Variants in TPH2 observed in about 807,000 individuals in gnomAD.
TPH2 encodes tryptophan 5-hydroxylase 2.
In TPH2, 27 loss-of-function variants were observed where a neutral mutation model predicts 59.1. The ratio of observed to expected loss-of-function variants is 0.46; its 90% CI spans 0.34 to 0.63. TPH2 has a LOEUF of 0.63. Among genes scored for constraint, TPH2 ranks in the 30% least tolerant of loss-of-function variants. TPH2 has a pLI of 0.01. For synonymous variants in TPH2, 220 were observed against 210.5 expected (o/e 1.05, Z -0.39); for missense variants, 523 against 588.3 (o/e 0.89, Z 1.15).
chr12:72,031,895 T>C lies in TPH2; in HGVS notation c.*200T>C, dbSNP rs1394915854. 3.2e-6 allele frequency: 2 copies of C among 634,038 alleles called. No homozygotes were observed. Among genetic ancestry groups the C allele is most frequent in the African/African-American group, 1.8e-5 (1 of 54,756 alleles). The allele number at this position is 634,038 out of a possible 1,614,324, so 39.3% of individuals were successfully genotyped here. ...TCCAATGGCAGATAACCACTCATTG[T>C]ATGAAATAACGTATTATGTTTAAAC... On this transcript the variant is annotated 3_prime_UTR_variant, in exon 11 of 11. Transcript: ENST00000333850.
At chr12:71,966,461 G>A (rs1395129036) in intron 5 of TPH2, among the ~76,000 whole-genome samples, 10 of 152,076 alleles carry the variant, frequency 6.6e-5, no homozygotes, top group South Asian at 2.1e-4. Flanking sequence ...TTCTCCAACC[G>A]CCAGGTAGAA....
chr12:71,979,766 A>T (rs889137942), intron 7 of TPH2, among the ~76,000 whole-genome samples: 1 of 152,230 alleles, frequency 6.6e-6, no homozygotes, highest in Non-Finnish European at 1.5e-5. Context: ...CCCACATGTT[A>T]ATCATTTGGC....
chr12:72,018,048 C>T (rs567649787), intron 8 of TPH2, among the ~76,000 whole-genome samples: 1 of 152,212 alleles, frequency 6.6e-6, no homozygotes, highest in Non-Finnish European at 1.5e-5. Context: ...CTCTTTATCT[C>T]TTAACAACAC....
chr12:71,993,214 G>T (rs1872619716), intron 7 of TPH2, among the ~76,000 whole-genome samples: 1 of 152,138 alleles, frequency 6.6e-6, no homozygotes, highest in Admixed American at 6.5e-5. Context: ...ATCAATCTTG[G>T]CCCTTGACCA....
intron 8 of TPH2, among the ~76,000 whole-genome samples, chr12:72,013,717 G>A (rs1209314252): frequency 6.6e-6 from 1 of 152,198 alleles, no homozygotes; most frequent in Non-Finnish European, 1.5e-5. Flanking sequence ...TGAGCAGAGA[G>A]ACCATCTCTT....
At chr12:71,947,670 A>G (rs989945103) in intron 4 of TPH2, among the ~76,000 whole-genome samples, 1 of 152,088 alleles carries the variant, frequency 6.6e-6, no homozygotes, top group South Asian at 2.1e-4. Flanking sequence ...TGGCCAAGGA[A>G]TGCTGTTTCT....
intron 7 of TPH2, among the ~76,000 whole-genome samples, chr12:71,984,856 C>G (rs1872386102): frequency 6.6e-6 from 1 of 152,194 alleles, no homozygotes. Context: ...CATGCTCTCC[C>G]TTAGGAGAAG....
chr12:71,945,537 TACA>T (rs1281594460), intron 4 of TPH2, among the ~76,000 whole-genome samples: 1 of 152,180 alleles, frequency 6.6e-6, no homozygotes, highest in East Asian at 1.9e-4. Context: ...GGTAGTAGTT[TACA>T]GACATTCCTT....
At chr12:71,944,959 TAGAC>T (rs1044173360) in intron 4 of TPH2, among the ~76,000 whole-genome samples, 3 of 152,138 alleles carry the variant, frequency 2.0e-5, no homozygotes, top group South Asian at 2.1e-4. Flanking sequence ...TCTGTGGAAT[TAGAC>T]AGCCTGAAAT....
intron 2 of TPH2, among the ~76,000 whole-genome samples, chr12:71,943,323 A>C (rs1467830153): frequency 6.6e-6 from 1 of 152,190 alleles, no homozygotes; most frequent in South Asian, 2.1e-4. Flanking sequence ...CTAGGATTGC[A>C]TCAGGAATTG....
At chr12:71,984,280 A>G (rs1459871513) in intron 7 of TPH2, among the ~76,000 whole-genome samples, 1 of 152,166 alleles carries the variant, frequency 6.6e-6, no homozygotes, top group African/African-American at 2.4e-5. Context: ...CCGCTGTTTA[A>G]TTTTATAAGA....
At chr12:72,001,068 G>A (rs563146348) in intron 8 of TPH2, among the ~76,000 whole-genome samples, 1 of 152,310 alleles carries the variant, frequency 6.6e-6, no homozygotes, top group African/African-American at 2.4e-5. Flanking sequence ...ACAAAGCTGT[G>A]CATCATCTGT....
At chr12:71,971,939 T>C (rs1047644848) in intron 5 of TPH2, among the ~76,000 whole-genome samples, 2 of 152,202 alleles carry the variant, frequency 1.3e-5, no homozygotes, top group African/African-American at 4.8e-5. Flanking sequence ...GGGCTTAATG[T>C]GTGTATCTTT....
At chr12:71,972,829 A>G (rs1370749932) in intron 6 of TPH2, 114 bp downstream of exon 6, 1 of 1,211,618 alleles carries the variant, frequency 8.3e-7, no homozygotes, top group Non-Finnish European at 1.2e-6. Context: ...GATTTAAAAA[A>G]TTGTTGGCTT....
chr12:72,029,689 T>C (rs1246871890), intron 9 of TPH2, among the ~76,000 whole-genome samples: 3 of 152,084 alleles, frequency 2.0e-5, no homozygotes, highest in Non-Finnish European at 4.4e-5. Context: ...AAAAAATGAG[T>C]TCACGCTGAG....
At chr12:71,963,802 C>A in intron 5 of TPH2, among the ~76,000 whole-genome samples, 1 of 29,998 alleles carries the variant, frequency 3.3e-5, no homozygotes, top group Non-Finnish European at 7.1e-5. Flanking sequence ...GAGTCAGATT[C>A]TGTCTCAAAA....
chr12:71,962,545 AGTTT>A (rs1871715355), intron 5 of TPH2: 1 of 985,102 alleles, frequency 1.0e-6, no homozygotes, highest in Admixed American at 6.2e-5. Flanking sequence ...GCTACCAGAA[AGTTT>A]GTTACAATCC....
intron 8 of TPH2, among the ~76,000 whole-genome samples, chr12:72,010,961 TGCCAAAGCTATA>T (rs1219827805): frequency 6.6e-6 from 1 of 152,224 alleles, no homozygotes; most frequent in Non-Finnish European, 1.5e-5. Context: ...TCCTGGGCAC[TGCCAAAGCTATA>T]GCATTTGCAT....
In TPH2 at chr12:71,983,857, G is replaced by T. The variant is rs1022188375; in HGVS notation, c.941+4770G>T. 2.6e-5 allele frequency among the ~76,000 whole-genome samples: 4 copies of T among 152,152 alleles called. No individual in the cohort carries two copies. In the East Asian group the frequency reaches 5.8e-4, roughly 22 times the overall value. On this transcript the variant is annotated intron_variant, in intron 7 of 10. Transcript: ENST00000333850. ...ACTAGCAGTGTGTGGGCCCCTTAAG[G>T]TTCATGGTGAGATGTCTCAGTGGTC...
Sources: allele counts gnomAD v4.1 joint callset (sites outside exome capture counted in the v4.1 genomes callset), GRCh38; gene constraint gnomAD v4.1.1; transcripts MANE v1.5; gene names NCBI Gene and HGNC (gene_info 2026-07-23, HGNC 2026-07-21).